The following PRKAG2 variants were observed in gnomAD, a reference collection of about 807,000 sequenced individuals.
PRKAG2 encodes the protein 5'-AMP-activated protein kinase subunit gamma-2.
In PRKAG2, 26 loss-of-function variants were observed where a neutral mutation model predicts 69.6. That is an observed-to-expected ratio of 0.37 (90% CI 0.27 to 0.52). The LOEUF (loss-of-function observed/expected upper bound fraction) is 0.52, where lower values mean the gene tolerates loss of function less well. Among genes scored for constraint, PRKAG2 ranks in the 20% least tolerant of loss-of-function variants. The pLI, the probability that PRKAG2 is intolerant of heterozygous loss-of-function variation, is 0.90. For missense variants in PRKAG2, 557 were observed against 740.0 expected, an observed-to-expected ratio of 0.75 and a Z score of 2.87; for synonymous variants, 293 against 285.0, an observed-to-expected ratio of 1.03 and a Z score of -0.28.
chr7:151,675,616 G>A lies in PRKAG2; in HGVS notation c.488C>T (p.Pro163Leu), dbSNP rs876657963. The change falls in exon 4 of 16, where the codon CCG (proline) becomes CTG (leucine). Residue 163 changes from proline (P) to leucine (L), a missense_variant. By Grantham distance (98) the Pro-to-Leu change is moderately conservative (BLOSUM62 -3). This residue lies in a region of PRKAG2 where 352 missense variants were observed against 356.7 expected (regional missense o/e 0.99). Coordinates refer to ENST00000287878, the MANE Select transcript of PRKAG2 (RefSeq NM_016203.4). ...SRKTSGLSSS[P>L]STPTQVTKQH... is the part of the protein sequence containing the mutation. ...CTTGGTCACTTGGGTGGGTGTTGACGGAGAGGAGGAGAGGCCGGAGGCTGC... is the reference window on the plus strand; with the variant it reads ...CTTGGTCACTTGGGTGGGTGTTGACAGAGAGGAGGAGAGGCCGGAGGCTGC... 34 of 1,613,732 alleles carry A rather than the reference G, an allele frequency of 2.1e-5. No homozygotes were observed. Among genetic ancestry groups the A allele is most frequent in the Middle Eastern group, 1.7e-4 (1 of 6,060 alleles).
Position 151,730,121 on chromosome 7 carries a change from G to A in PRKAG2, c.466+51031C>T, listed in dbSNP as rs116679437. ...CCTACACAATAATGGGAATGCATACGTGAAATGGTGAAGATGGTAAATTTG... is the reference window on the plus strand; with the variant it reads ...CCTACACAATAATGGGAATGCATACATGAAATGGTGAAGATGGTAAATTTG... On this transcript the variant is annotated intron_variant, in intron 3 of 15. Transcript: ENST00000287878. Among the ~76,000 whole-genome samples, 1,491 of 152,268 alleles carry A rather than the reference G, an allele frequency of 9.8e-3. 20 individuals carry two copies. The highest frequency in any genetic ancestry group is 0.03 in the African/African-American group (1,265 of 41,536).
At chr7:151,669,516 G>A (rs62478163) in intron 4 of PRKAG2, among the ~76,000 whole-genome samples, 3,078 of 152,020 alleles carry the variant, frequency 0.02, 53 homozygotes, top group Non-Finnish European at 0.033. Context: ...CGTTTTTTTC[G>A]ATTGTCCCTT....
intron 4 of PRKAG2, among the ~76,000 whole-genome samples, chr7:151,652,339 C>T (rs537470648): frequency 1.8e-4 from 28 of 152,176 alleles, no homozygotes; most frequent in Non-Finnish European, 3.1e-4. Context: ...GGTGCTGAAG[C>T]AGATCTGAGA....
intron 3 of PRKAG2, among the ~76,000 whole-genome samples, chr7:151,700,770 G>A (rs1837538590): frequency 1.3e-5 from 2 of 152,164 alleles, no homozygotes; most frequent in South Asian, 4.1e-4. Context: ...ATGTGGCCAG[G>A]CCATAGTTCC....
rs944827093 is a variant in PRKAG2, at chr7:151,850,488, G to T, written c.114+26019C>A. Among the ~76,000 whole-genome samples, 2 of 152,238 alleles carry T rather than the reference G, an allele frequency of 1.3e-5. No individual in the cohort carries two copies. The highest frequency in any genetic ancestry group is 4.8e-5 in the African/African-American group (2 of 41,474). On this transcript the variant is annotated intron_variant, in intron 1 of 15. Coordinates refer to ENST00000287878, the MANE Select transcript of PRKAG2 (RefSeq NM_016203.4). The surrounding 1 kb of genome is among the most constrained non-coding windows in gnomAD (Gnocchi z 4.1). Reference sequence around the variant, plus strand: ...TCATCTGGTGGGCAGCCCTGCCATTGTGGAGGTGGGCAAACCGAGGTTCAG... The same window carrying T: ...TCATCTGGTGGGCAGCCCTGCCATTTTGGAGGTGGGCAAACCGAGGTTCAG...
chr7:151,802,772 C>T (rs955276329), intron 1 of PRKAG2, among the ~76,000 whole-genome samples: 1 of 152,060 alleles, frequency 6.6e-6, no homozygotes, highest in Non-Finnish European at 1.5e-5. Context: ...TGGCCTCAGC[C>T]TCTCCTTTCT....
chr7:151,634,140 T>C (rs1046016071), intron 4 of PRKAG2, among the ~76,000 whole-genome samples: 6 of 151,972 alleles, frequency 3.9e-5, no homozygotes, highest in African/African-American at 1.4e-4. Context: ...ATCAAGACAA[T>C]GGTATTGGCA....
chr7:151,741,105 T>A (rs2073852326), intron 3 of PRKAG2, among the ~76,000 whole-genome samples: 1 of 152,118 alleles, frequency 6.6e-6, no homozygotes. Context: ...CCCAGCACTT[T>A]GGGAGGCTGA....
intron 3 of PRKAG2, among the ~76,000 whole-genome samples, chr7:151,701,320 G>C (rs1837650633): frequency 1.3e-5 from 2 of 152,196 alleles, no homozygotes; most frequent in Admixed American, 1.3e-4. Flanking sequence ...TTGCTGTTAT[G>C]GGTTGAAATG....
intron 5 of PRKAG2, among the ~76,000 whole-genome samples, chr7:151,615,313 T>C (rs1819844680): frequency 6.6e-6 from 1 of 152,222 alleles, no homozygotes; most frequent in Non-Finnish European, 1.5e-5. Flanking sequence ...GTCTTTGCTA[T>C]TGTGAATAGT....
intron 1 of PRKAG2, among the ~76,000 whole-genome samples, chr7:151,848,512 CTT>C (rs1158559692): frequency 0.065 from 3,943 of 60,608 alleles, 6 homozygotes; most frequent in East Asian, 0.15. Context: ...TACTGCATGT[CTT>C]TTTTTTTTTT....
At chr7:151,710,142 C>T (rs1417130790) in intron 3 of PRKAG2, among the ~76,000 whole-genome samples, 1 of 152,166 alleles carries the variant, frequency 6.6e-6, no homozygotes, top group Non-Finnish European at 1.5e-5. Context: ...TGGGAGCCGC[C>T]TCTCCCCTGA....
intron 1 of PRKAG2, among the ~76,000 whole-genome samples, chr7:151,827,995 C>T (rs2078947112): frequency 6.6e-6 from 1 of 152,166 alleles, no homozygotes; most frequent in Non-Finnish European, 1.5e-5. Context: ...CAGAAAAACT[C>T]CCAGGGTGAT....
rs1255809966 is a variant in PRKAG2, at chr7:151,841,826, TGGTAGTGATGGTAGGTAGTGATG to T, written c.114+34658_114+34680del. ...TAATAGTAGTGATGGTAGGTTGTGA[TGGTAGTGATGGTAGGTAGTGATG>T]GGTAGTGATGGTAGGTAGGGATGGT... On this transcript the variant is annotated intron_variant, in intron 1 of 15. Transcript: ENST00000287878. Among the ~76,000 whole-genome samples, 5 of 148,346 alleles carry T rather than the reference TGGTAGTGATGGTAGGTAGTGATG, an allele frequency of 3.4e-5. No homozygotes were observed. In the East Asian group the frequency reaches 8.1e-4, roughly 24 times the overall value.
intron 15 of PRKAG2, chr7:151,558,624 T>C: frequency 2.1e-6 from 2 of 969,356 alleles, no homozygotes; most frequent in Non-Finnish European, 2.5e-6. Context: ...AAAAGTTCAC[T>C]TGTAATCCAG....
chr7:151,635,571 G>A (rs542052389), intron 4 of PRKAG2, among the ~76,000 whole-genome samples: 2 of 152,228 alleles, frequency 1.3e-5, no homozygotes, highest in African/African-American at 2.4e-5. Flanking sequence ...TTATGCTGAG[G>A]GGGAAAAAGC....
chr7:151,839,647 G>GGGCC (rs1212172518), intron 1 of PRKAG2, among the ~76,000 whole-genome samples: 1 of 152,200 alleles, frequency 6.6e-6, no homozygotes, highest in Non-Finnish European at 1.5e-5. Context: ...ACGCCGCCTC[G>GGGCC]GGCCTCGGTA....
At chr7:151,755,144 G>A (rs756053455) in intron 3 of PRKAG2, among the ~76,000 whole-genome samples, 9 of 152,176 alleles carry the variant, frequency 5.9e-5, no homozygotes, top group South Asian at 2.1e-4. Context: ...GTTATTGGGC[G>A]TAGGCCGGCT....
intron 1 of PRKAG2, among the ~76,000 whole-genome samples, chr7:151,839,455 TCTG>T (rs1221601569): frequency 2.0e-5 from 3 of 152,132 alleles, no homozygotes; most frequent in African/African-American, 7.2e-5. Flanking sequence ...GGTCCATGAG[TCTG>T]CTATTTTTCA....
Sources: allele counts gnomAD v4.1 joint callset (sites outside exome capture counted in the v4.1 genomes callset), GRCh38; gene constraint gnomAD v4.1.1; regional missense constraint gnomAD v4.1.1; non-coding constraint Gnocchi (gnomAD v3.1); transcripts MANE v1.5; gene names NCBI Gene and HGNC (gene_info 2026-07-23, HGNC 2026-07-21).